The following RARB variants were observed in gnomAD, a reference collection of about 807,000 sequenced individuals.
RARB encodes the protein retinoic acid receptor beta, also known as HBV-activated protein.
RARB carries 17 observed loss-of-function variants against 51.9 expected under a neutral mutation model. That is an observed-to-expected ratio of 0.33 (90% CI 0.22 to 0.49). The LOEUF is 0.49. RARB is among the 20% of genes least tolerant of loss of function. The probability of loss-of-function intolerance (pLI) is 0.99; values close to 1 mark genes in which losing one functional copy is unlikely to be tolerated. For synonymous variants in RARB, 215 were observed against 195.4 expected, an observed-to-expected ratio of 1.10 and a Z score of -0.84; for missense variants, 369 against 550.8, an observed-to-expected ratio of 0.67 and a Z score of 3.30.
intron 2 of RARB, among the ~76,000 whole-genome samples, chr3:24,896,598 T>C (rs1420846172): frequency 6.6e-6 from 1 of 152,164 alleles, no homozygotes; most frequent in Non-Finnish European, 1.5e-5. Context: ...GTTCAGGACA[T>C]GGACAGTGGT....
chr3:25,586,233 A>G (rs1053122531), intron 5 of RARB, among the ~76,000 whole-genome samples: 1 of 151,934 alleles, frequency 6.6e-6, no homozygotes, highest in Non-Finnish European at 1.5e-5. Flanking sequence ...CTGAAATGCC[A>G]TCTCTTCAGA....
chr3:25,587,824 C>T lies in RARB; in HGVS notation c.787-5679C>T, dbSNP rs534297908. 2.0e-5 allele frequency among the ~76,000 whole-genome samples: 3 copies of T among 152,316 alleles called. No individual in the cohort carries two copies. The South Asian group carries it at 6.2e-4, about 32-fold the overall frequency. ...CAGATCAGGATCTGCCCACATGTTG[C>T]CAAACACAATCAGTGTAGAGTGACC... On this transcript the variant is annotated intron_variant, in intron 5 of 7. Transcript: ENST00000330688.
At chr3:25,005,954 T>C (rs979286103) in intron 2 of RARB, among the ~76,000 whole-genome samples, 1 of 152,160 alleles carries the variant, frequency 6.6e-6, no homozygotes, top group Non-Finnish European at 1.5e-5. Context: ...CCCTTTCTTA[T>C]ATACTCCAGT....
intron 5 of RARB, among the ~76,000 whole-genome samples, chr3:25,282,467 A>G (rs1559343138): frequency 6.8e-6 from 1 of 147,626 alleles, no homozygotes; most frequent in East Asian, 1.9e-4. Flanking sequence ...TACTTTTTCT[A>G]CTTTTCATAG....
Position 25,520,369 on chromosome 3 carries a change from G to A in RARB, c.448+19046G>A, listed in dbSNP as rs531651556. Among the ~76,000 whole-genome samples, 2 of 152,152 alleles carry A rather than the reference G, an allele frequency of 1.3e-5. 1 individual carries two copies. The highest frequency in any genetic ancestry group is 4.2e-4 in the South Asian group (2 of 4,816). ...CCATCCTATCTCAACAGTTCAGTAGGGACCTTCTGATTTCAGCTCTGGACT... is the reference window on the plus strand; with the variant it reads ...CCATCCTATCTCAACAGTTCAGTAGAGACCTTCTGATTTCAGCTCTGGACT... On this transcript the variant is annotated intron_variant, in intron 3 of 7. Transcript: ENST00000330688.
At chr3:25,050,433 TA>T (rs918103570) in intron 2 of RARB, among the ~76,000 whole-genome samples, 2,187 of 149,058 alleles carry the variant, frequency 0.015, 63 homozygotes, top group African/African-American at 0.05. Flanking sequence ...GCTCATGATT[TA>T]AAAAAAAAAA....
rs1235535986 is a variant in RARB, at chr3:25,597,174, G to C, written c.*558G>C. 6.6e-6 allele frequency: 1 copy of C among 152,642 alleles called. No individual in the cohort carries two copies. 9.5% of individuals were successfully genotyped at this position (152,642 alleles called of 1,614,324 possible). On this transcript the variant is annotated 3_prime_UTR_variant, in exon 8 of 8. Transcript: ENST00000330688. ...TTGTACAGTATGACAAGATAAGGCT[G>C]AAGATATTCTACTTTAGTTAGTATG...
chr3:25,011,382 T>A (rs1475169492), intron 2 of RARB, among the ~76,000 whole-genome samples: 2 of 152,148 alleles, frequency 1.3e-5, no homozygotes, highest in South Asian at 2.1e-4. Context: ...GAGCAAACCA[T>A]GTACTTATGA....
At chr3:25,055,631 A>C (rs999215842) in intron 2 of RARB, among the ~76,000 whole-genome samples, 3 of 152,104 alleles carry the variant, frequency 2.0e-5, no homozygotes, top group Non-Finnish European at 4.4e-5. Context: ...GATTGGGGGA[A>C]AAGTTATTAG....
At chr3:25,548,948 T>G (rs1699732465) in intron 3 of RARB, among the ~76,000 whole-genome samples, 1 of 152,186 alleles carries the variant, frequency 6.6e-6, no homozygotes, top group Non-Finnish European at 1.5e-5. Flanking sequence ...TACCTGATTA[T>G]GTTTGGTTTT....
At chr3:25,262,858 C>T (rs1175448430) in intron 5 of RARB, among the ~76,000 whole-genome samples, 3 of 152,130 alleles carry the variant, frequency 2.0e-5, no homozygotes, top group African/African-American at 2.4e-5. Context: ...TCTCAGTGTT[C>T]CTATAACATT....
intron 5 of RARB, among the ~76,000 whole-genome samples, chr3:25,290,464 C>T (rs1703760363): frequency 6.6e-6 from 1 of 152,132 alleles, no homozygotes; most frequent in African/African-American, 2.4e-5. Context: ...TTGTTTAAAC[C>T]ACCCAGTCTA....
chr3:25,319,416 G>T (rs775720609), intron 5 of RARB, among the ~76,000 whole-genome samples: 2 of 152,192 alleles, frequency 1.3e-5, no homozygotes, highest in African/African-American at 4.8e-5. Flanking sequence ...GGGTGAGGGG[G>T]CTTTGAGTAT....
chr3:25,356,407 A>T (rs1315296787), intron 5 of RARB, among the ~76,000 whole-genome samples: 1 of 152,192 alleles, frequency 6.6e-6, no homozygotes, highest in Non-Finnish European at 1.5e-5. Flanking sequence ...TCTATTTTTT[A>T]TAATAGTCTA....
At chr3:25,596,204 C>A (rs1701820801) in intron 7 of RARB, among the ~76,000 whole-genome samples, 2 of 152,128 alleles carry the variant, frequency 1.3e-5, no homozygotes, top group African/African-American at 2.4e-5. Context: ...GATGCAGTTC[C>A]CATTCCAAAT....
chr3:25,425,045 C>T (rs749777906), upstream of RARB, among the ~76,000 whole-genome samples: 50 of 152,076 alleles, frequency 3.3e-4, no homozygotes, highest in Non-Finnish European at 4.9e-4. Context: ...TTTTTGTTTG[C>T]TTGTTGGTTG....
chr3:24,897,559 A>G (rs1703503638), intron 2 of RARB, among the ~76,000 whole-genome samples: 1 of 152,184 alleles, frequency 6.6e-6, no homozygotes, highest in South Asian at 2.1e-4. Context: ...GAATACTATA[A>G]AAAACTTGAA....
rs143135435 is a variant in RARB, at chr3:25,307,778, G to A, written c.178+133203G>A. Among the ~76,000 whole-genome samples the A allele has an allele frequency of 2.5e-3, 379 of 151,474 alleles. 1 individual carries two copies. The highest frequency in any genetic ancestry group is 8.6e-3 in the African/African-American group (355 of 41,258). On this transcript the variant is annotated intron_variant, in intron 5 of 11. Coordinates refer to the RARB transcript ENST00000383772. ...TCTTAGATAAGCAGCTTCTCCAGCT[G>A]GAATCTTTCTCAGTGTCTATAGTAG...
At chr3:25,164,766 C>T (rs1004078691) in intron 4 of RARB, among the ~76,000 whole-genome samples, 2 of 152,160 alleles carry the variant, frequency 1.3e-5, no homozygotes, top group African/African-American at 2.4e-5. Context: ...AATGGGTACG[C>T]ATACATGCTG....
Sources: gnomAD v4.1 joint callset for allele counts (sites outside exome capture counted in the v4.1 genomes callset) on GRCh38, gnomAD v4.1.1 for gene constraint, MANE v1.5 for transcripts, NCBI Gene and HGNC (gene_info 2026-07-23, HGNC 2026-07-21) for gene names.